SEZ6L: variants seen among roughly 807,000 people sequenced by gnomAD.
SEZ6L encodes seizure related 6 homolog like.
Under a neutral mutation model 106.2 loss-of-function variants are expected in SEZ6L, and 37 were observed. That is an observed-to-expected ratio of 0.35 (90% CI 0.27 to 0.46). The LOEUF (loss-of-function observed/expected upper bound fraction) is 0.46, where lower values mean the gene tolerates loss of function less well. Ranked by LOEUF, SEZ6L falls within the 20% of genes least tolerant of loss-of-function variation. The pLI, the probability that SEZ6L is intolerant of heterozygous loss-of-function variation, is 1.00. For synonymous variants in SEZ6L, 541 were observed against 570.4 expected (o/e 0.95, Z 0.73); for missense variants, 1,172 against 1,332.8 (o/e 0.88, Z 1.88).
chr22:26,340,511 C>T lies in SEZ6L; in HGVS notation c.2091C>T (p.Tyr697=). 1.2e-6 allele frequency: 2 copies of T among 1,614,152 alleles called. No homozygotes were observed. The highest frequency in any genetic ancestry group is 1.7e-6 in the Non-Finnish European group (2 of 1,180,028). ...TCATGCCCCACATCTTGGGGCAGTA[C>T]CTTGGGAACAGTGGCCCCCAGAAAC... is the stretch of plus-strand genomic sequence containing the variant. ...DEVMPHILGQ[Y]LGNSGPQKLY... The change falls in exon 10 of 17, where the codon TAC becomes TAT. Residue 697 remains tyrosine, a synonymous_variant. Transcript: ENST00000248933.
In SEZ6L at chr22:26,383,044, CT is replaced by C; in HGVS notation, c.*2752del. 6.8e-6 allele frequency: 1 copy of C among 146,542 alleles called. No individual in the cohort carries two copies. Among genetic ancestry groups the C allele is most frequent in the South Asian group, 2.2e-4 (1 of 4,562 alleles). The allele number at this position is 146,542 out of a possible 1,614,324, so 9.1% of individuals were successfully genotyped here. On this transcript the variant is annotated 3_prime_UTR_variant, in exon 17 of 17. Coordinates refer to ENST00000248933, the MANE Select transcript of SEZ6L (RefSeq NM_021115.5). ...TTTAAAAATGCACACACTCAACCCT[CT>C]TTAGCTTGGAGCTCAGCTTTTTGCT...
chr22:26,267,066 T>C (rs2080215747), intron 1 of SEZ6L, among the ~76,000 whole-genome samples: 1 of 152,288 alleles, frequency 6.6e-6, no homozygotes, highest in East Asian at 1.9e-4. Context: ...CAAAATAATA[T>C]AATTAAACCA....
intron 1 of SEZ6L, among the ~76,000 whole-genome samples, chr22:26,235,991 C>T (rs1310471090): frequency 6.6e-6 from 1 of 152,246 alleles, no homozygotes; most frequent in Non-Finnish European, 1.5e-5. Flanking sequence ...ACATCAGAGG[C>T]ACCTCCTGGC....
chr22:26,369,261 G>A (rs566179648), intron 13 of SEZ6L, among the ~76,000 whole-genome samples: 10 of 151,342 alleles, frequency 6.6e-5, no homozygotes, highest in Admixed American at 4.6e-4. Flanking sequence ...GGAAACACTA[G>A]CATGAGGGTT....
intron 4 of SEZ6L, 139 bp downstream of exon 4, chr22:26,297,219 T>A (rs2081328538): frequency 1.7e-6 from 1 of 575,230 alleles, no homozygotes; most frequent in South Asian, 3.8e-5. Context: ...GAATAATGTT[T>A]TTAAAAGTAT....
At chr22:26,242,629 G>A (rs1042092812) in intron 1 of SEZ6L, 33 of 152,236 alleles carry the variant, frequency 2.2e-4, no homozygotes, top group African/African-American at 8.0e-4. Context: ...TCTGGAGTTG[G>A]TTGCTCCTTG....
intron 7 of SEZ6L, 148 bp downstream of exon 7, chr22:26,310,984 T>C: frequency 1.4e-6 from 1 of 737,648 alleles, no homozygotes; most frequent in Non-Finnish European, 2.2e-6. Context: ...AGACAGGCTC[T>C]TGGTTTCATT....
At chr22:26,340,729 AT>A in intron 10 of SEZ6L, 97 bp downstream of exon 10, 1 of 982,952 alleles carries the variant, frequency 1.0e-6, no homozygotes, top group Non-Finnish European at 1.5e-6. Flanking sequence ...TACTACAGCG[AT>A]TTTTCATTGT....
chr22:26,311,824 T>A lies in SEZ6L; in HGVS notation c.1738T>A (p.Ser580Thr). The change falls in exon 8 of 17, where the codon TCC becomes ACC. Residue 580 changes from serine to threonine, a missense_variant. Physicochemically the swap from Ser to Thr is moderately conservative, Grantham distance 58. Transcript: ENST00000248933. ...CATCCAGAATGGGAACTTCACTACATCCGACCCGACCTATAACATTGGGAC... is the reference window on the plus strand; with the variant it reads ...CATCCAGAATGGGAACTTCACTACAACCGACCCGACCTATAACATTGGGAC... ...PYIQNGNFTT[S>T]DPTYNIGTIV... The A allele has an allele frequency of 6.2e-7, 1 of 1,614,120 alleles. No individual in the cohort carries two copies. The highest frequency in any genetic ancestry group is 8.5e-7 in the Non-Finnish European group (1 of 1,180,024).
At chr22:26,196,847 G>A (rs533670833) in intron 1 of SEZ6L, among the ~76,000 whole-genome samples, 10 of 152,288 alleles carry the variant, frequency 6.6e-5, no homozygotes, top group African/African-American at 2.2e-4. Context: ...ATTCAAGGAC[G>A]TCTCCCAGGT....
chr22:26,222,772 C>T (rs1475231338), intron 1 of SEZ6L, among the ~76,000 whole-genome samples: 2 of 152,074 alleles, frequency 1.3e-5, no homozygotes, highest in Non-Finnish European at 2.9e-5. Flanking sequence ...TATGCTAGAA[C>T]CCAGTAGGAA....
chr22:26,266,343 G>A (rs921005170), intron 1 of SEZ6L, among the ~76,000 whole-genome samples: 7 of 151,232 alleles, frequency 4.6e-5, no homozygotes, highest in Admixed American at 6.6e-5. Context: ...GGTGGATCAC[G>A]AGGTCAGGAG....
intron 9 of SEZ6L, among the ~76,000 whole-genome samples, chr22:26,325,179 T>C (rs953437710): frequency 2.0e-5 from 3 of 152,170 alleles, no homozygotes; most frequent in Non-Finnish European, 2.9e-5. Context: ...CACTAGGAAG[T>C]GGCACAGCCG....
chr22:26,358,698 G>C (rs1309273230), intron 12 of SEZ6L, among the ~76,000 whole-genome samples: 1 of 152,170 alleles, frequency 6.6e-6, no homozygotes, highest in African/African-American at 2.4e-5. Context: ...AGTTACACCA[G>C]TTGCAACCCG....
chr22:26,264,172 T>A (rs1444871988), intron 1 of SEZ6L, among the ~76,000 whole-genome samples: 1 of 152,244 alleles, frequency 6.6e-6, no homozygotes, highest in Middle Eastern at 3.2e-3. Context: ...AATTCTGGAA[T>A]CTTGGCAGAT....
intron 1 of SEZ6L, among the ~76,000 whole-genome samples, chr22:26,259,711 C>T (rs530093542): frequency 2.0e-5 from 3 of 152,264 alleles, no homozygotes; most frequent in African/African-American, 7.2e-5. Flanking sequence ...GGCACCCATG[C>T]GGGGTGCTGT....
chr22:26,311,684 C>T lies in SEZ6L; in HGVS notation c.1682-84C>T, dbSNP rs5997065. ...TTTTCTTTGGGGCTTTTCTAAACAG[C>T]ACAGGGGACCCATCTTCTGAAATAT... On this transcript the variant is annotated intron_variant, in intron 7 of 16. Coordinates refer to ENST00000248933, the MANE Select transcript of SEZ6L (RefSeq NM_021115.5). 7,615 of 1,221,746 alleles carry T rather than the reference C, an allele frequency of 6.2e-3. 288 individuals are homozygous for T. The African/African-American group carries it at 0.094, about 15-fold the overall frequency. The allele number at this position is 1,221,746 out of a possible 1,614,324, so 75.7% of individuals were successfully genotyped here.
At chr22:26,271,583 A>C (rs1360085499) in intron 1 of SEZ6L, among the ~76,000 whole-genome samples, 1 of 152,206 alleles carries the variant, frequency 6.6e-6, no homozygotes, top group African/African-American at 2.4e-5. Flanking sequence ...GTTCTCACTC[A>C]GTCAGTTCCT....
At chr22:26,320,893 C>A (rs1387873494) in intron 9 of SEZ6L, among the ~76,000 whole-genome samples, 1 of 152,162 alleles carries the variant, frequency 6.6e-6, no homozygotes, top group Admixed American at 6.5e-5. Flanking sequence ...AGGGATGCTG[C>A]TATGCATCCT....
Sources: gnomAD v4.1 joint callset for allele counts (sites outside exome capture counted in the v4.1 genomes callset) on GRCh38, gnomAD v4.1.1 for gene constraint, MANE v1.5 for transcripts, NCBI Gene and HGNC (gene_info 2026-07-23, HGNC 2026-07-21) for gene names.